FAM161A: variants seen among roughly 807,000 people sequenced by gnomAD.
FAM161A encodes FAM161 centrosomal protein A.
In FAM161A, 57 loss-of-function variants were observed where a neutral mutation model predicts 70.9. The observed-to-expected ratio is 0.80, with a 90% CI of 0.65 to 1.00. FAM161A has a LOEUF of 1.00. Ranked by LOEUF, FAM161A falls within the 50% of genes least tolerant of loss-of-function variation. The pLI, the probability that FAM161A is intolerant of heterozygous loss-of-function variation, is 0.00. For synonymous variants in FAM161A, 299 were observed against 295.7 expected (o/e 1.01, Z -0.12); for missense variants, 880 against 836.0 (o/e 1.05, Z -0.65).
chr2:61,818,131 T>A, the FAM161A span, among the ~76,000 whole-genome samples: 1 of 150,786 alleles, frequency 6.6e-6, no homozygotes, highest in Non-Finnish European at 1.5e-5. Flanking sequence ...CAATCTTGGC[T>A]CATTGCCTCT....
intron 5 of FAM161A, among the ~76,000 whole-genome samples, chr2:61,833,396 A>C (rs1672653679): frequency 1.3e-5 from 2 of 148,894 alleles, no homozygotes; most frequent in South Asian, 4.3e-4. Flanking sequence ...ACTGTACTCC[A>C]GCCTGGGTGA....
chr2:61,804,786 G>GAAAGAAAA, the FAM161A span, among the ~76,000 whole-genome samples: 1 of 136,144 alleles, frequency 7.3e-6, no homozygotes, highest in South Asian at 2.4e-4. Flanking sequence ...AAGAAAGAAA[G>GAAAGAAAA]AAAGAAAGAA....
chr2:61,828,323 A>G (rs1422095099), intron 5 of FAM161A, among the ~76,000 whole-genome samples: 1 of 149,504 alleles, frequency 6.7e-6, no homozygotes, highest in Non-Finnish European at 1.5e-5. Context: ...TTGTTGTCAG[A>G]GGATTCTTTT....
chr2:61,836,222 A>C, intron 4 of FAM161A, 113 bp from the exon 5 acceptor site: 1 of 832,418 alleles, frequency 1.2e-6, no homozygotes, highest in Non-Finnish European at 2.0e-6. Context: ...AAAAGAAATA[A>C]CATTTAGCTT....
downstream of FAM161A, among the ~76,000 whole-genome samples, chr2:61,821,110 T>C (rs1020224266): frequency 1.3e-5 from 2 of 151,812 alleles, no homozygotes; most frequent in Non-Finnish European, 2.9e-5. Context: ...TGCAGTGCAG[T>C]GGCACAATCT....
intron 5 of FAM161A, among the ~76,000 whole-genome samples, chr2:61,827,955 G>A (rs1672437284): frequency 6.6e-6 from 1 of 152,164 alleles, no homozygotes; most frequent in Non-Finnish European, 1.5e-5. Context: ...ATATAATACT[G>A]AGCAAAAGAA....
chr2:61,833,252 G>A (rs1274179398), intron 5 of FAM161A, among the ~76,000 whole-genome samples: 1 of 151,782 alleles, frequency 6.6e-6, no homozygotes, highest in Non-Finnish European at 1.5e-5. Flanking sequence ...GTGAAACCTC[G>A]TCTCTACTAA....
rs572818522 is a variant in FAM161A, at chr2:61,839,031, C to T, written c.1584-326G>A. On this transcript the variant is annotated intron_variant, in intron 3 of 6. Coordinates refer to ENST00000404929, the MANE Select transcript of FAM161A (RefSeq NM_001201543.2). ...CTGAGTAGCTGGGATTACAGGCACCCGCCACCACGCCCAGCTAATTTTTTG... is the reference window on the plus strand; with the variant it reads ...CTGAGTAGCTGGGATTACAGGCACCTGCCACCACGCCCAGCTAATTTTTTG... Among the ~76,000 whole-genome samples, 310 of 151,540 alleles carry T rather than the reference C, an allele frequency of 2.0e-3. 1 individual carries two copies. The highest frequency in any genetic ancestry group is 6.7e-3 in the African/African-American group (276 of 41,332).
the FAM161A span, among the ~76,000 whole-genome samples, chr2:61,802,609 T>A: frequency 2.6e-5 from 4 of 152,314 alleles, no homozygotes; most frequent in South Asian, 8.3e-4. Context: ...ACATTTCCTA[T>A]AAACTGTTAT....
At chr2:61,830,179 G>A (rs145509398) in intron 5 of FAM161A, among the ~76,000 whole-genome samples, 2 of 152,130 alleles carry the variant, frequency 1.3e-5, no homozygotes, top group Non-Finnish European at 2.9e-5. Context: ...AAAATGGTAA[G>A]GCGAAGGTAT....
chr2:61,839,405 C>G lies in FAM161A; in HGVS notation c.1583+16G>C. Reference sequence around the variant, plus strand: ...GGCAACCATGAGTCAGTCAGTACTGCGTCCTACTTACTTACCTTACGGCTT... The same window carrying G: ...GGCAACCATGAGTCAGTCAGTACTGGGTCCTACTTACTTACCTTACGGCTT... On this transcript the variant is annotated intron_variant, in intron 3 of 6. Coordinates refer to ENST00000404929, the MANE Select transcript of FAM161A (RefSeq NM_001201543.2). 5 of 1,613,794 alleles carry G rather than the reference C, an allele frequency of 3.1e-6. No homozygotes were observed. Among genetic ancestry groups the G allele is most frequent in the Non-Finnish European group, 4.2e-6 (5 of 1,179,726 alleles).
At chr2:61,804,050 T>C in the FAM161A span, among the ~76,000 whole-genome samples, 1 of 152,190 alleles carries the variant, frequency 6.6e-6, no homozygotes, top group Non-Finnish European at 1.5e-5. Flanking sequence ...TGGTTGCCCA[T>C]TTTAATGGTT....
chr2:61,852,018 A>G (rs1017091295), intron 1 of FAM161A, among the ~76,000 whole-genome samples: 91 of 152,148 alleles, frequency 6.0e-4, no homozygotes, highest in African/African-American at 1.9e-3. Context: ...AAGAAAGCAG[A>G]GCCTATTTCC....
chr2:61,827,401 G>A (rs1213289930), intron 5 of FAM161A, 143 bp from the exon 6 acceptor site: 4 of 734,092 alleles, frequency 5.4e-6, no homozygotes, highest in Non-Finnish European at 9.3e-6. Flanking sequence ...ACGAGGTCAG[G>A]AGATCAAGAC....
intron 1 of FAM161A, among the ~76,000 whole-genome samples, chr2:61,852,372 A>G (rs546121812): frequency 1.3e-5 from 2 of 152,230 alleles, no homozygotes; most frequent in Non-Finnish European, 2.9e-5. Flanking sequence ...AGGCACACAA[A>G]TGACACTCCC....
Position 61,832,243 on chromosome 2 carries a change from ACACAC to A in FAM161A, c.1851+3762_1851+3766del, listed in dbSNP as rs766539600. Among the ~76,000 whole-genome samples, 19 of 70,188 alleles carry A rather than the reference ACACAC, an allele frequency of 2.7e-4. 1 individual carries two copies. The highest frequency in any genetic ancestry group is 8.2e-4 in the Admixed American group (4 of 4,864). 46.0% of individuals were successfully genotyped at this position (70,188 alleles called of 152,430 possible). ...CTGGGACAGAGTAAGACCCTGTCAC[ACACAC>A]ACAAAAAAAAACCAACAACAACAAC... On this transcript the variant is annotated intron_variant, in intron 5 of 6. Transcript: ENST00000404929.
chr2:61,838,716 C>T lies in FAM161A; in HGVS notation c.1584-11G>A, dbSNP rs17513666. On this transcript the variant is annotated splice_polypyrimidine_tract_variant and intron_variant, in intron 3 of 6. Transcript: ENST00000404929. Reference sequence around the variant, plus strand: ...TCCTCAAGTGATCTCCTGAGGGTAACAAACTAAGGCTTAATCCACTTTAAG... The same window carrying T: ...TCCTCAAGTGATCTCCTGAGGGTAATAAACTAAGGCTTAATCCACTTTAAG... 0.21 allele frequency: 334,523 copies of T among 1,573,098 alleles called. 38,017 individuals carry two copies. The highest frequency in any genetic ancestry group is 0.26 in the Middle Eastern group (1,511 of 5,914).
At chr2:61,830,552 T>A (rs1460014774) in intron 5 of FAM161A, among the ~76,000 whole-genome samples, 1 of 151,036 alleles carries the variant, frequency 6.6e-6, no homozygotes, top group African/African-American at 2.4e-5. Flanking sequence ...GGCATGGTGG[T>A]GTGCACCTGT....
rs1418545778 is a variant in FAM161A at position 61,825,608 on chromosome 2, G to A, written c.*847C>T. The A allele has an allele frequency of 2.3e-6, 1 of 438,986 alleles. No individual in the cohort carries two copies. The highest frequency in any genetic ancestry group is 1.7e-5 in the South Asian group (1 of 60,188). 27.2% of individuals were successfully genotyped at this position (438,986 alleles called of 1,614,324 possible). On this transcript the variant is annotated 3_prime_UTR_variant, in exon 7 of 7. Transcript: ENST00000404929. ...GTAAACTCTCAGTGCAAAAATAAAT[G>A]TAAATTTGCAAGTATCCATTTTTTT...
Sources: gnomAD v4.1 joint callset for allele counts (sites outside exome capture counted in the v4.1 genomes callset) on GRCh38, gnomAD v4.1.1 for gene constraint, MANE v1.5 for transcripts, NCBI Gene and HGNC (gene_info 2026-07-23, HGNC 2026-07-21) for gene names.